Variants in AKAIN1 observed in about 807,000 individuals in gnomAD.
AKAIN1 encodes the protein A-kinase anchor inhibitor 1.
AKAIN1 carries 3 observed loss-of-function variants against 3.7 expected under a neutral mutation model. That is an observed-to-expected ratio of 0.82 (90% CI 0.37 to 2.12). The LOEUF is 2.12. AKAIN1 is among the 30% of genes most tolerant of loss of function. The pLI, the probability that AKAIN1 is intolerant of heterozygous loss-of-function variation, is 0.06. For missense variants in AKAIN1, 82 were observed against 82.7 expected (o/e 0.99, Z 0.03); for synonymous variants, 31 against 30.8 (o/e 1.01, Z -0.02).
At chr18:5,157,492 C>G (rs1455941111) in intron 1 of AKAIN1, among the ~76,000 whole-genome samples, 5 of 152,162 alleles carry the variant, frequency 3.3e-5, no homozygotes, top group Non-Finnish European at 4.4e-5. Flanking sequence ...AAAGCTCAAC[C>G]TCTCACCATG....
chr18:5,181,548 C>T (rs2071258804), intron 1 of AKAIN1, among the ~76,000 whole-genome samples: 1 of 152,106 alleles, frequency 6.6e-6, no homozygotes, highest in Admixed American at 6.6e-5. Flanking sequence ...TTCTTACATT[C>T]ATCTCATCTG....
chr18:5,184,501 T>C (rs2071276365), intron 1 of AKAIN1, among the ~76,000 whole-genome samples: 2 of 152,012 alleles, frequency 1.3e-5, no homozygotes, highest in Non-Finnish European at 2.9e-5. Context: ...AAGTTCAGGA[T>C]ACAAAATCCA....
At chr18:5,165,617 G>A (rs1044561873) in intron 1 of AKAIN1, among the ~76,000 whole-genome samples, 5 of 151,996 alleles carry the variant, frequency 3.3e-5, no homozygotes, top group African/African-American at 1.2e-4. Context: ...TGACTCAGAC[G>A]TCAAATATGG....
intron 1 of AKAIN1, among the ~76,000 whole-genome samples, chr18:5,185,297 T>C (rs1880924580): frequency 6.6e-6 from 1 of 152,152 alleles, no homozygotes; most frequent in Non-Finnish European, 1.5e-5. Context: ...AAAGATTTCA[T>C]GAAGAAGATG....
Position 5,145,500 on chromosome 18 carries a change from T to A in AKAIN1, c.*62A>T, listed in dbSNP as rs2071043294. 7.3e-7 allele frequency: 1 copy of A among 1,376,744 alleles called. No individual in the cohort carries two copies. Among genetic ancestry groups the A allele is most frequent in the African/African-American group, 1.4e-5 (1 of 69,124 alleles). 85.3% of individuals were successfully genotyped at this position (1,376,744 alleles called of 1,614,324 possible). ...TGCTTTACTGGCAACATTTTGGAGA[T>A]GCGTCCTATACTAAGAGGAAGGCTA... On this transcript the variant is annotated 3_prime_UTR_variant, in exon 2 of 2. Transcript: ENST00000434239.
intron 1 of AKAIN1, among the ~76,000 whole-genome samples, chr18:5,168,960 C>G (rs935602927): frequency 1.3e-5 from 2 of 151,392 alleles, no homozygotes; most frequent in African/African-American, 2.4e-5. Flanking sequence ...TCAGGATTCA[C>G]CAGGAAAGCA....
At chr18:5,170,455 TTA>T (rs1455744503) in intron 1 of AKAIN1, among the ~76,000 whole-genome samples, 1 of 152,174 alleles carries the variant, frequency 6.6e-6, no homozygotes, top group East Asian at 1.9e-4. Flanking sequence ...TCCAATTTCC[TTA>T]TGTTTAAATA....
intron 1 of AKAIN1, among the ~76,000 whole-genome samples, chr18:5,158,578 T>G (rs145205026): frequency 1.3e-5 from 2 of 152,208 alleles, no homozygotes; most frequent in Non-Finnish European, 2.9e-5. Context: ...CTCCCTCCAT[T>G]TGGTTTCAAA....
At chr18:5,192,007 ATGTT>A (rs1407149550) in intron 1 of AKAIN1, among the ~76,000 whole-genome samples, 1 of 152,146 alleles carries the variant, frequency 6.6e-6, no homozygotes, top group Non-Finnish European at 1.5e-5. Context: ...GCATCAAACA[ATGTT>A]TGTGTTAAGT....
chr18:5,182,630 A>G (rs1007921509), intron 1 of AKAIN1, among the ~76,000 whole-genome samples: 1 of 152,124 alleles, frequency 6.6e-6, no homozygotes, highest in African/African-American at 2.4e-5. Context: ...TATCAGTTTT[A>G]TAGAGAAGGA....
At chr18:5,157,162 G>T (rs764880469) in intron 1 of AKAIN1, among the ~76,000 whole-genome samples, 1 of 152,056 alleles carries the variant, frequency 6.6e-6, no homozygotes, top group African/African-American at 2.4e-5. Context: ...TCAGAATATT[G>T]TTTGGAGTCA....
chr18:5,192,385 T>TTTTCTTTCTTTCTTTCTTTCTTC (rs2071323544), intron 1 of AKAIN1, among the ~76,000 whole-genome samples: 1 of 106,990 alleles, frequency 9.3e-6, no homozygotes, highest in Admixed American at 1.0e-4. Flanking sequence ...ACAGAGCTAA[T>TTTTCTTTCTTTCTTTCTTTCTTC]TTTCTTTCTT....
chr18:5,149,934 A>G (rs1213035266), intron 1 of AKAIN1, among the ~76,000 whole-genome samples: 1 of 151,718 alleles, frequency 6.6e-6, no homozygotes, highest in Non-Finnish European at 1.5e-5. Flanking sequence ...CCAGCCTCAG[A>G]CTCCCAAGTA....
intron 1 of AKAIN1, among the ~76,000 whole-genome samples, chr18:5,188,226 T>C (rs1020572032): frequency 6.6e-6 from 1 of 152,006 alleles, no homozygotes; most frequent in Non-Finnish European, 1.5e-5. Context: ...TGGGTTGAAG[T>C]CTTTTGCCTG....
intron 1 of AKAIN1, among the ~76,000 whole-genome samples, chr18:5,175,842 G>A (rs1437634705): frequency 6.6e-6 from 1 of 151,978 alleles, no homozygotes; most frequent in African/African-American, 2.4e-5. Context: ...TAAACATGAA[G>A]CGGCAATTTC....
At chr18:5,194,188 A>G (rs1371175319) in intron 1 of AKAIN1, among the ~76,000 whole-genome samples, 6 of 152,140 alleles carry the variant, frequency 3.9e-5, no homozygotes, top group Non-Finnish European at 7.3e-5. Context: ...AGAAGCATAA[A>G]TAAATGATGG....
intron 1 of AKAIN1, among the ~76,000 whole-genome samples, chr18:5,165,086 C>T (rs1204866753): frequency 6.6e-6 from 1 of 151,870 alleles, no homozygotes; most frequent in African/African-American, 2.4e-5. Flanking sequence ...ATGTTTATGC[C>T]AATCTGCCAG....
rs146969333 is a variant in AKAIN1, at chr18:5,178,701, G to A, written c.16+18337C>T. ...TGCCTGCCCTTAAGAAGTTAGATCT[G>A]AACTTCTCAACCCAACCACACAGTC... On this transcript the variant is annotated intron_variant, in intron 1 of 1. Transcript: ENST00000434239. Among the ~76,000 whole-genome samples, 1,212 of 152,218 alleles carry A rather than the reference G, an allele frequency of 8.0e-3. 12 individuals are homozygous for A. The highest frequency in any genetic ancestry group is 0.013 in the Non-Finnish European group (895 of 67,992).
intron 1 of AKAIN1, among the ~76,000 whole-genome samples, chr18:5,186,004 A>T (rs2071285197): frequency 6.6e-6 from 1 of 152,172 alleles, no homozygotes; most frequent in African/African-American, 2.4e-5. Context: ...AACCATAAAA[A>T]AGAATGTCAT....
Sources: allele counts gnomAD v4.1 joint callset (sites outside exome capture counted in the v4.1 genomes callset), GRCh38; gene constraint gnomAD v4.1.1; transcripts MANE v1.5; gene names NCBI Gene and HGNC (gene_info 2026-07-23, HGNC 2026-07-21).